Variants in DISC1 observed in about 807,000 individuals in gnomAD.
DISC1 encodes DISC1 scaffold protein.
In DISC1, 57 loss-of-function variants were observed where a neutral mutation model predicts 84.5. The observed-to-expected ratio is 0.67, with a 90% CI of 0.55 to 0.84. The LOEUF is 0.84. Among genes scored for constraint, DISC1 ranks in the 40% least tolerant of loss-of-function variants. The pLI is 0.00. For synonymous variants in DISC1, 411 were observed against 415.2 expected (o/e 0.99, Z 0.12); for missense variants, 1,000 against 1,057.8 (o/e 0.95, Z 0.76).
chr1:231,943,557 C>G (rs756464276), intron 9 of DISC1, among the ~76,000 whole-genome samples: 2 of 152,068 alleles, frequency 1.3e-5, no homozygotes, highest in Non-Finnish European at 2.9e-5. Context: ...TCTTGGTTAT[C>G]CTAGCAAGGG....
intron 9 of DISC1, among the ~76,000 whole-genome samples, chr1:231,835,584 A>G (rs2082572015): frequency 6.6e-6 from 1 of 152,220 alleles, no homozygotes; most frequent in Non-Finnish European, 1.5e-5. Flanking sequence ...GGAACTGGCC[A>G]TCTGGATGTG....
chr1:231,909,632 CT>C (rs924881312), intron 9 of DISC1, among the ~76,000 whole-genome samples: 1 of 151,832 alleles, frequency 6.6e-6, no homozygotes, highest in South Asian at 2.1e-4. Context: ...CTAAAATTCT[CT>C]TTTTTTTGTC....
intron 9 of DISC1, among the ~76,000 whole-genome samples, chr1:231,856,987 G>C (rs1344173864): frequency 6.6e-6 from 1 of 152,206 alleles, no homozygotes; most frequent in Non-Finnish European, 1.5e-5. Context: ...CATCCACAGC[G>C]AGGTGCTCAG....
At chr1:231,796,045 T>A (rs1468259491) in intron 7 of DISC1, among the ~76,000 whole-genome samples, 1 of 152,224 alleles carries the variant, frequency 6.6e-6, no homozygotes, top group African/African-American at 2.4e-5. Context: ...TCATTTTGCC[T>A]ACTTTATCCA....
intron 1 of DISC1, among the ~76,000 whole-genome samples, chr1:231,658,236 G>A (rs1002106954): frequency 2.0e-5 from 3 of 152,106 alleles, no homozygotes; most frequent in African/African-American, 4.8e-5. Context: ...TATTCTTTTT[G>A]TAGTAATTGT....
chr1:232,019,114 A>G (rs921396962), intron 11 of DISC1, among the ~76,000 whole-genome samples: 1 of 152,196 alleles, frequency 6.6e-6, no homozygotes, highest in African/African-American at 2.4e-5. Context: ...GGACCTCATC[A>G]TCTGGTGAGG....
At chr1:231,818,936 C>T (rs2295959) in intron 9 of DISC1, 61,804 of 1,009,826 alleles carry the variant, frequency 0.061, 2,685 homozygotes, top group East Asian at 0.35. Flanking sequence ...TAAAGTGGCT[C>T]TTCTATGTGT....
intron 3 of DISC1, among the ~76,000 whole-genome samples, chr1:231,702,916 A>G (rs111431732): frequency 3.9e-5 from 6 of 152,296 alleles, no homozygotes; most frequent in African/African-American, 7.2e-5. Flanking sequence ...TACTCCTGCT[A>G]TTGAGCAAGT....
chr1:232,011,912 C>T (rs942080976), intron 11 of DISC1, among the ~76,000 whole-genome samples: 1 of 152,108 alleles, frequency 6.6e-6, no homozygotes, highest in East Asian at 1.9e-4. Flanking sequence ...CTGAGTCTGC[C>T]GTGATCCTCA....
intron 9 of DISC1, among the ~76,000 whole-genome samples, chr1:231,910,591 C>A (rs1439818211): frequency 6.6e-6 from 1 of 152,124 alleles, no homozygotes. Flanking sequence ...TGCTTTACTT[C>A]CAACTATGTG....
At chr1:231,748,431 G>C (rs545834934) in intron 3 of DISC1, among the ~76,000 whole-genome samples, 2 of 152,126 alleles carry the variant, frequency 1.3e-5, no homozygotes, top group African/African-American at 4.8e-5. Context: ...AATTTGTTGA[G>C]AATTTTTTTA....
At chr1:231,719,712 T>C (rs2069347179) in intron 3 of DISC1, among the ~76,000 whole-genome samples, 1 of 152,222 alleles carries the variant, frequency 6.6e-6, no homozygotes, top group African/African-American at 2.4e-5. Context: ...GGCTTTTTAA[T>C]CTCTTTGTGT....
At chr1:231,782,771 C>T (rs182399180) in intron 6 of DISC1, among the ~76,000 whole-genome samples, 13 of 151,844 alleles carry the variant, frequency 8.6e-5, no homozygotes, top group Admixed American at 7.2e-4. Flanking sequence ...AACCCCGTCT[C>T]TACCAAAAAA....
chr1:231,940,970 G>A (rs114487103), intron 9 of DISC1: 12 of 152,190 alleles, frequency 7.9e-5, no homozygotes, highest in Admixed American at 1.3e-4. Flanking sequence ...CAGATGGCAG[G>A]TGGGGAGCAG....
intron 3 of DISC1, among the ~76,000 whole-genome samples, chr1:231,704,934 C>T (rs953180174): frequency 6.6e-6 from 1 of 152,030 alleles, no homozygotes; most frequent in African/African-American, 2.4e-5. Context: ...TTAAGGCATG[C>T]TGAATGCCGT....
intron 10 of DISC1, among the ~76,000 whole-genome samples, chr1:231,963,981 G>A (rs1320405939): frequency 3.9e-5 from 6 of 152,156 alleles, no homozygotes; most frequent in Admixed American, 1.3e-4. Flanking sequence ...TAACATAACC[G>A]ATTAGGTCAG....
chr1:231,990,534 C>T (rs1004940170), intron 10 of DISC1, among the ~76,000 whole-genome samples: 27 of 152,180 alleles, frequency 1.8e-4, no homozygotes, highest in African/African-American at 6.0e-4. Flanking sequence ...TCAAATTCCT[C>T]ACTGCTTCTG....
chr1:231,821,428 G>A (rs573157079), intron 9 of DISC1, among the ~76,000 whole-genome samples: 2 of 152,274 alleles, frequency 1.3e-5, no homozygotes, highest in Non-Finnish European at 2.9e-5. Context: ...CCTCATCACC[G>A]AATCCATTGG....
At chr1:231,650,667 G>C (rs2060538432) in intron 1 of DISC1, among the ~76,000 whole-genome samples, 2 of 152,138 alleles carry the variant, frequency 1.3e-5, no homozygotes, top group Admixed American at 1.3e-4. Flanking sequence ...TTTCCAACTT[G>C]GTTCCATTCT....
Sources: gnomAD v4.1 joint callset for allele counts (sites outside exome capture counted in the v4.1 genomes callset) on GRCh38, gnomAD v4.1.1 for gene constraint, MANE v1.5 for transcripts, NCBI Gene and HGNC (gene_info 2026-07-23, HGNC 2026-07-21) for gene names.